GALNTL6: variants seen among roughly 807,000 people sequenced by gnomAD.
GALNTL6 encodes polypeptide N-acetylgalactosaminyltransferase like 6.
A neutral mutation model predicts 73.7 loss-of-function variants in GALNTL6; 46 were observed. The ratio of observed to expected loss-of-function variants is 0.62; its 90% CI spans 0.49 to 0.80. GALNTL6 has a LOEUF of 0.80. Among genes scored for constraint, GALNTL6 ranks in the 30% least tolerant of loss-of-function variants. The probability of loss-of-function intolerance (pLI) is 0.00; values close to 1 mark genes in which losing one functional copy is unlikely to be tolerated. For missense variants in GALNTL6, 604 were observed against 755.0 expected (o/e 0.80, Z 2.34); for synonymous variants, 259 against 263.7 (o/e 0.98, Z 0.17).
chr4:172,812,774 C>T (rs1029780179), intron 6 of GALNTL6, among the ~76,000 whole-genome samples: 4 of 152,064 alleles, frequency 2.6e-5, no homozygotes, highest in African/African-American at 4.8e-5. Flanking sequence ...TTACCTTTCT[C>T]GTACATAAAT....
At chr4:172,864,884 G>C (rs763544254) in intron 7 of GALNTL6, among the ~76,000 whole-genome samples, 1 of 152,108 alleles carries the variant, frequency 6.6e-6, no homozygotes, top group African/African-American at 2.4e-5. Context: ...AAGGGGACAG[G>C]TGTCAACATA....
intron 2 of GALNTL6, among the ~76,000 whole-genome samples, chr4:172,171,755 G>T (rs1316065512): frequency 6.6e-6 from 1 of 150,678 alleles, no homozygotes; most frequent in African/African-American, 2.5e-5. Context: ...AGCCTGGAAG[G>T]CACACGTTGC....
chr4:172,104,259 T>C (rs1274806450), intron 2 of GALNTL6, among the ~76,000 whole-genome samples: 20 of 152,154 alleles, frequency 1.3e-4, no homozygotes. Context: ...AGGTTTTTAT[T>C]GAAATTTATT....
chr4:172,640,347 GC>G (rs1185945897), intron 5 of GALNTL6, among the ~76,000 whole-genome samples: 5 of 152,044 alleles, frequency 3.3e-5, no homozygotes, highest in Non-Finnish European at 5.9e-5. Context: ...ACTCATTCAA[GC>G]CTTCATATGT....
chr4:171,986,297 AGAG>A (rs936998814), intron 2 of GALNTL6, among the ~76,000 whole-genome samples: 7 of 151,890 alleles, frequency 4.6e-5, no homozygotes, highest in Admixed American at 6.6e-5. Context: ...TCTGGCGGGC[AGAG>A]TGGGGGTCAC....
intron 2 of GALNTL6, among the ~76,000 whole-genome samples, chr4:172,008,603 C>T (rs1566943): frequency 0.75 from 113,404 of 151,982 alleles, 42,903 homozygotes; most frequent in Admixed American, 0.84. Context: ...AGGGGAGAAT[C>T]GTGTATCAAA....
At chr4:172,551,913 A>T (rs976438362) in intron 5 of GALNTL6, among the ~76,000 whole-genome samples, 4 of 152,258 alleles carry the variant, frequency 2.6e-5, no homozygotes, top group Admixed American at 2.6e-4. Context: ...GTAAAGAAAA[A>T]TTCAAGTGTG....
Position 171,864,723 on chromosome 4 carries a change from C to T in GALNTL6, c.138+50005C>T, listed in dbSNP as rs374538768. Among the ~76,000 whole-genome samples, 8 of 152,308 alleles carry T rather than the reference C, an allele frequency of 5.3e-5. No homozygotes were observed. In the East Asian group the frequency reaches 1.2e-3, roughly 22 times the overall value. On this transcript the variant is annotated intron_variant, in intron 2 of 12. Transcript: ENST00000506823. ...CTTCTAGTTTCTTACCTGCAAGGTA[C>T]TGAAGGCACTTGTGCCACTTCCTCC...
At chr4:172,598,840 C>T (rs1043388704) in intron 5 of GALNTL6, among the ~76,000 whole-genome samples, 8 of 152,054 alleles carry the variant, frequency 5.3e-5, no homozygotes, top group African/African-American at 1.9e-4. Context: ...TAATTAATGC[C>T]ACTCACTTTA....
rs138379040 is a variant in GALNTL6, at chr4:172,294,030, T to A, written c.248-17584T>A. ...TCATTTAGGATCACAGCCTCTATAT[T>A]TTCCTTATTATATAGTAAAATGCAA... On this transcript the variant is annotated intron_variant, in intron 3 of 12. Transcript: ENST00000506823. 5.5e-3 allele frequency among the ~76,000 whole-genome samples: 830 copies of A among 151,686 alleles called. 7 individuals are homozygous for A. Among genetic ancestry groups the A allele is most frequent in the African/African-American group, 0.018 (758 of 41,494 alleles).
intron 4 of GALNTL6, among the ~76,000 whole-genome samples, chr4:172,342,852 C>T (rs1456179112): frequency 6.6e-6 from 1 of 152,148 alleles, no homozygotes; most frequent in Non-Finnish European, 1.5e-5. Context: ...ATGACTAGTT[C>T]TGACCAATGA....
intron 10 of GALNTL6, among the ~76,000 whole-genome samples, chr4:172,954,487 G>C: frequency 6.6e-6 from 1 of 152,064 alleles, no homozygotes; most frequent in East Asian, 1.9e-4. Flanking sequence ...TTTTTCCCGA[G>C]ACAAGGATTT....
At chr4:172,954,933 A>G (rs1749639542) in intron 10 of GALNTL6, among the ~76,000 whole-genome samples, 1 of 152,224 alleles carries the variant, frequency 6.6e-6, no homozygotes, top group Non-Finnish European at 1.5e-5. Context: ...GATGTGATGC[A>G]TAGCAAGAAT....
intron 3 of GALNTL6, among the ~76,000 whole-genome samples, chr4:172,310,963 T>C (rs910267088): frequency 6.6e-6 from 1 of 151,938 alleles, no homozygotes; most frequent in Admixed American, 6.6e-5. Flanking sequence ...ATGAAGGAAA[T>C]ACAAATGATA....
At chr4:172,661,441 G>C (rs1048355423) in intron 5 of GALNTL6, among the ~76,000 whole-genome samples, 4 of 151,916 alleles carry the variant, frequency 2.6e-5, no homozygotes, top group African/African-American at 9.7e-5. Context: ...TGTTTCTCTG[G>C]AGAACACTGG....
At chr4:172,966,178 G>A (rs1016497025) in intron 10 of GALNTL6, among the ~76,000 whole-genome samples, 3 of 152,058 alleles carry the variant, frequency 2.0e-5, no homozygotes, top group Admixed American at 6.5e-5. Context: ...TTCCGGTCTC[G>A]GACATAGGAA....
intron 9 of GALNTL6, among the ~76,000 whole-genome samples, chr4:172,948,740 G>T (rs1749297216): frequency 6.6e-6 from 1 of 151,938 alleles, no homozygotes; most frequent in African/African-American, 2.4e-5. Context: ...CAAAGTGCTG[G>T]GATTACAGCA....
intron 2 of GALNTL6, among the ~76,000 whole-genome samples, chr4:172,143,190 T>C (rs1472359189): frequency 6.6e-6 from 1 of 152,074 alleles, no homozygotes; most frequent in Non-Finnish European, 1.5e-5. Context: ...ACTATGTGGC[T>C]GGTATATTTG....
chr4:171,982,949 G>A (rs1225552225), intron 2 of GALNTL6, among the ~76,000 whole-genome samples: 1 of 152,034 alleles, frequency 6.6e-6, no homozygotes, highest in African/African-American at 2.4e-5. Context: ...TAGATTTACT[G>A]AAGCTTATCA....
Sources: allele counts gnomAD v4.1 joint callset (sites outside exome capture counted in the v4.1 genomes callset), GRCh38; gene constraint gnomAD v4.1.1; transcripts MANE v1.5; gene names NCBI Gene and HGNC (gene_info 2026-07-23, HGNC 2026-07-21).